MOB3A: variants seen among roughly 807,000 people sequenced by gnomAD.
MOB3A encodes MOB kinase activator 3A.
In MOB3A, 17 loss-of-function variants were observed where a neutral mutation model predicts 17.8. That is an observed-to-expected ratio of 0.95 (90% confidence interval 0.65 to 1.43). MOB3A has a LOEUF of 1.43. MOB3A is among the 40% of genes most tolerant of loss of function. MOB3A has a pLI of 0.00. For missense variants in MOB3A, 333 were observed against 310.8 expected (o/e 1.07, Z -0.54); for synonymous variants, 124 against 133.2 (o/e 0.93, Z 0.48).
At chr19:2,081,977 A>G (rs577269273) in intron 2 of MOB3A, among the ~76,000 whole-genome samples, 1 of 152,268 alleles carries the variant, frequency 6.6e-6, no homozygotes, top group South Asian at 2.1e-4. Flanking sequence ...GGTTTGTCAC[A>G]AGGGAGCCCC....
In MOB3A at chr19:2,082,445, G is replaced by A. The variant is rs538567309; in HGVS notation, c.-120+2730C>T. ...TTAGATCGCCCTGGGTGAGATCGTG[G>A]CTCAGATGATTATGACTGATTCTAC... On this transcript the variant is annotated intron_variant, in intron 2 of 4. Transcript: ENST00000357066. This position sits in a 1 kb window ranked among gnomAD's most constrained non-coding sequence, Gnocchi z 4.1. Among the ~76,000 whole-genome samples, 1 of 152,344 alleles carries A rather than the reference G, an allele frequency of 6.6e-6. No homozygotes were observed. Among genetic ancestry groups the A allele is most frequent in the East Asian group, 1.9e-4 (1 of 5,182 alleles).
chr19:2,076,940 G>T lies in MOB3A; in HGVS notation c.495C>A (p.His165Gln). 1 of 1,614,026 alleles carries T rather than the reference G, an allele frequency of 6.2e-7. No homozygotes were observed. Among genetic ancestry groups the T allele is most frequent in the Non-Finnish European group, 8.5e-7 (1 of 1,180,026 alleles). ...ILSRLFRVFV[H>Q]VYIHHFDRIA... Reference sequence around the variant, plus strand: ...TGCGGTCAAAGTGGTGGATGTAGACGTGCACGAACACGCGGAACAGCCGCG... The same window carrying T: ...TGCGGTCAAAGTGGTGGATGTAGACTTGCACGAACACGCGGAACAGCCGCG... The change falls in exon 4 of 5, where the codon CAC becomes CAA. Residue 165 changes from histidine to glutamine, a missense_variant. Physicochemically the swap from His to Gln is conservative, Grantham distance 24 (BLOSUM62 0). Transcript: ENST00000357066.
At position 2,082,916 on chromosome 19, in the gene MOB3A, G is replaced by A. The variant is rs2144927159; in HGVS notation, c.-120+2259C>T. On this transcript the variant is annotated intron_variant, in intron 2 of 4. Coordinates refer to ENST00000357066, the MANE Select transcript of MOB3A (RefSeq NM_130807.3). The surrounding 1 kb of genome is among the most constrained non-coding windows in gnomAD (Gnocchi z 4.1). ...TCAGCCTCGACCTCCTAGCTCAAGG[G>A]ATCCTCCTGCCTCAGCCTCCTGAGT... is the stretch of plus-strand genomic sequence containing the variant. Among the ~76,000 whole-genome samples the A allele has an allele frequency of 6.6e-6, 1 of 152,318 alleles. No individual in the cohort carries two copies. The highest frequency in any genetic ancestry group is 2.1e-4 in the South Asian group (1 of 4,830).
intron 1 of MOB3A, among the ~76,000 whole-genome samples, chr19:2,090,949 A>C (rs956564698): frequency 6.6e-6 from 1 of 152,234 alleles, no homozygotes; most frequent in African/African-American, 2.4e-5. Context: ...GGCGTGAGCC[A>C]CCGCGCCCGG....
rs754222416 is a variant in MOB3A, at chr19:2,078,287, A to G, written c.274T>C (p.Ser92Pro). 5 of 1,614,126 alleles carry G rather than the reference A, an allele frequency of 3.1e-6. No individual in the cohort carries two copies. Among genetic ancestry groups the G allele is most frequent in the East Asian group, 2.2e-5 (1 of 44,872 alleles). Residue 92 changes from serine (S) to proline (P), a missense_variant, in exon 3 of 5, where the codon TCG becomes CCG. Ser to Pro is a moderately conservative substitution (Grantham distance 74). Coordinates refer to ENST00000357066, the MANE Select transcript of MOB3A (RefSeq NM_130807.3). ...CGGTACTCATACTTGGGGCCCCCCG[A>G]CATGACGGGGCAGGACTGCTCCGTG... Reference protein sequence around the residue: ...GCTEQSCPVMSGGPKYEYRWQ... With the variant: ...GCTEQSCPVMPGGPKYEYRWQ...
At chr19:2,084,816 C>G (rs1410282387) in intron 2 of MOB3A, among the ~76,000 whole-genome samples, 1 of 152,058 alleles carries the variant, frequency 6.6e-6, no homozygotes, top group Non-Finnish European at 1.5e-5. Context: ...GTCTCAAACT[C>G]TTTACCTCGT....
intron 1 of MOB3A, among the ~76,000 whole-genome samples, chr19:2,092,986 C>T (rs988042749): frequency 5.3e-5 from 8 of 151,932 alleles, no homozygotes; most frequent in African/African-American, 1.7e-4. Flanking sequence ...TTTACCTTTT[C>T]GGCTTAAGCC....
intron 1 of MOB3A, among the ~76,000 whole-genome samples, chr19:2,092,465 G>C (rs1189337610): frequency 1.3e-5 from 2 of 152,102 alleles, no homozygotes; most frequent in African/African-American, 2.4e-5. Context: ...GAAAAAAACA[G>C]TCATTTTGAT....
At position 2,072,370 on chromosome 19, in the gene MOB3A, G is replaced by A. The variant is rs2017348943; in HGVS notation, c.*1025C>T. On this transcript the variant is annotated 3_prime_UTR_variant, in exon 5 of 5. Transcript: ENST00000357066. ...GCAGGAGAATCACTTGAACCCAGGA[G>A]GTGGAGGATGCAGTGAGCCGAGATT... 6.6e-6 allele frequency: 1 copy of A among 152,170 alleles called. No homozygotes were observed. Among genetic ancestry groups the A allele is most frequent in the Non-Finnish European group, 1.5e-5 (1 of 68,044 alleles). 9.4% of individuals were successfully genotyped at this position (152,170 alleles called of 1,614,324 possible). A position where few individuals can be genotyped will look rare whatever the true frequency, so the allele number is the denominator to read the frequency against.
chr19:2,084,134 AG>A (rs756150752), intron 2 of MOB3A: 2 of 502,914 alleles, frequency 4.0e-6, no homozygotes, highest in Admixed American at 2.0e-5. Context: ...AGACAGTTCC[AG>A]AAAACAAGAC....
At chr19:2,079,954 C>T (rs1308833997) in intron 2 of MOB3A, among the ~76,000 whole-genome samples, 1 of 152,230 alleles carries the variant, frequency 6.6e-6, no homozygotes, top group Non-Finnish European at 1.5e-5. Context: ...TCCTACTCCC[C>T]TGAGAATTCT....
Position 2,081,984 on chromosome 19 carries a change from C to G in MOB3A, c.-120+3191G>C, listed in dbSNP as rs574908488. On this transcript the variant is annotated intron_variant, in intron 2 of 4. Coordinates refer to ENST00000357066, the MANE Select transcript of MOB3A (RefSeq NM_130807.3). The stretch of plus-strand genomic sequence containing the variant: ...GGGTCAATGGTTTGTCACAAGGGAG[C>G]CCCTGGTGAGGACCGGCTGGGGGAC... Among the ~76,000 whole-genome samples, 448 of 152,262 alleles carry G rather than the reference C, an allele frequency of 2.9e-3. 1 individual carries two copies. The highest frequency in any genetic ancestry group is 0.01 in the African/African-American group (426 of 41,572).
chr19:2,079,678 C>A (rs2017461956), intron 2 of MOB3A, among the ~76,000 whole-genome samples: 1 of 152,240 alleles, frequency 6.6e-6, no homozygotes, highest in Non-Finnish European at 1.5e-5. Context: ...TGTCAGCATT[C>A]TCCCCATGTT....
chr19:2,073,849 G>A (rs1465021894), intron 4 of MOB3A, among the ~76,000 whole-genome samples: 3 of 152,034 alleles, frequency 2.0e-5, no homozygotes, highest in East Asian at 3.8e-4. Context: ...TGGATAACAC[G>A]GTGAAATCCT....
At chr19:2,083,254 G>A (rs1271491072) in intron 2 of MOB3A, among the ~76,000 whole-genome samples, 4 of 152,228 alleles carry the variant, frequency 2.6e-5, no homozygotes, top group East Asian at 1.9e-4. Flanking sequence ...GGTATCCCCC[G>A]GGGCCGGGGA....
Position 2,073,240 on chromosome 19 carries a change from G to C in MOB3A, c.*155C>G. Reference sequence around the variant, plus strand: ...GGAAGGCATCTGCCGTCCGGGGTTGGAGCTCCTGAGGACCAACACCTGCTC... The same window carrying C: ...GGAAGGCATCTGCCGTCCGGGGTTGCAGCTCCTGAGGACCAACACCTGCTC... On this transcript the variant is annotated 3_prime_UTR_variant, in exon 5 of 5. Coordinates refer to ENST00000357066, the MANE Select transcript of MOB3A (RefSeq NM_130807.3). The C allele has an allele frequency of 1.2e-6, 1 of 861,354 alleles. No homozygotes were observed. The highest frequency in any genetic ancestry group is 1.9e-6 in the Non-Finnish European group (1 of 539,746). The allele number at this position is 861,354 out of a possible 1,614,324, so 53.4% of individuals were successfully genotyped here.
intron 2 of MOB3A, among the ~76,000 whole-genome samples, chr19:2,083,045 CTA>C (rs1307061161): frequency 2.6e-5 from 4 of 152,196 alleles, no homozygotes; most frequent in Non-Finnish European, 5.9e-5. Context: ...CGGGAGCTCA[CTA>C]TGTTGCCTAG....
intron 1 of MOB3A, among the ~76,000 whole-genome samples, chr19:2,087,850 T>C (rs1159401509): frequency 6.6e-6 from 1 of 152,094 alleles, no homozygotes; most frequent in Non-Finnish European, 1.5e-5. Context: ...TCACGGAACT[T>C]TTTCCTAACC....
chr19:2,081,667 C>T lies in MOB3A; in HGVS notation c.-119-2988G>A, dbSNP rs192679650. ...TTGAGAGGCTGAGGCGGGCGGATCA[C>T]GAGGTCAGGAGTTCAAGACCAGCCT... On this transcript the variant is annotated intron_variant, in intron 2 of 4. Transcript: ENST00000357066. Among the ~76,000 whole-genome samples the T allele has an allele frequency of 4.2e-4, 64 of 152,090 alleles. No homozygotes were observed. In the East Asian group the frequency reaches 0.012, roughly 28 times the overall value.
Sources: gnomAD v4.1 joint callset for allele counts (sites outside exome capture counted in the v4.1 genomes callset) on GRCh38, gnomAD v4.1.1 for gene constraint, Gnocchi (gnomAD v3.1) non-coding constraint, MANE v1.5 for transcripts, NCBI Gene and HGNC (gene_info 2026-07-23, HGNC 2026-07-21) for gene names.